Variants in DLGAP2 observed in about 807,000 individuals in gnomAD.
DLGAP2 encodes the protein DLG associated protein 2.
A neutral mutation model predicts 100.3 loss-of-function variants in DLGAP2; 26 were observed. That is an observed-to-expected ratio of 0.26 (90% CI 0.19 to 0.36). DLGAP2 has a LOEUF of 0.36. Ranked by LOEUF, DLGAP2 falls within the 10% of genes least tolerant of loss-of-function variation. The probability of loss-of-function intolerance (pLI) is 1.00; values close to 1 mark genes in which losing one functional copy is unlikely to be tolerated. For missense variants in DLGAP2, 1,858 were observed against 1,453.2 expected, an observed-to-expected ratio of 1.28 and a Z score of -4.53; for synonymous variants, 886 against 630.1, an observed-to-expected ratio of 1.41 and a Z score of -6.08.
rs1218920285 is a variant in DLGAP2, at chr8:1,701,550, C to T, written c.*144C>T. ...TCCCCGCGCCCCGGACACAGCGGGA[C>T]GCGGCCGGCGGCCTCAGAGTCCACG... is the stretch of plus-strand genomic sequence containing the variant. On this transcript the variant is annotated 3_prime_UTR_variant, in exon 15 of 15. Transcript: ENST00000637795. The T allele has an allele frequency of 1.0e-5, 9 of 886,810 alleles. No homozygotes were observed. Among genetic ancestry groups the T allele is most frequent in the South Asian group, 1.8e-5 (1 of 56,030 alleles). The allele number at this position is 886,810 out of a possible 1,614,324, so 54.9% of individuals were successfully genotyped here.
chr8:1,483,440 A>G (rs572993702), intron 3 of DLGAP2, among the ~76,000 whole-genome samples: 31 of 148,976 alleles, frequency 2.1e-4, no homozygotes, highest in African/African-American at 6.9e-4. Flanking sequence ...ACTGCTGTGT[A>G]AGAGGCTCAG....
chr8:1,565,978 T>C, intron 6 of DLGAP2, 84 bp downstream of exon 6: 2 of 1,202,120 alleles, frequency 1.7e-6, no homozygotes, highest in Non-Finnish European at 2.3e-6. Flanking sequence ...CACCGTGAGC[T>C]GAGTGCCATC....
chr8:1,215,209 C>G (rs182826711), intron 2 of DLGAP2, among the ~76,000 whole-genome samples: 1 of 152,274 alleles, frequency 6.6e-6, no homozygotes, highest in East Asian at 1.9e-4. Flanking sequence ...TCCCAAATAT[C>G]AAATTGGGAA....
chr8:1,571,962 G>C (rs185479664), intron 6 of DLGAP2, among the ~76,000 whole-genome samples: 2 of 135,508 alleles, frequency 1.5e-5, no homozygotes, highest in East Asian at 5.0e-4. Flanking sequence ...AGGGTGAACT[G>C]TGGGGGCGTC....
intron 3 of DLGAP2, among the ~76,000 whole-genome samples, chr8:1,435,834 G>A (rs1448585284): frequency 1.3e-5 from 2 of 151,840 alleles, no homozygotes; most frequent in African/African-American, 4.8e-5. Context: ...GCAGGTAGAG[G>A]CTGATGTGTT....
intron 3 of DLGAP2, among the ~76,000 whole-genome samples, chr8:1,489,096 G>A (rs1799303359): frequency 6.6e-6 from 1 of 152,178 alleles, no homozygotes; most frequent in Non-Finnish European, 1.5e-5. Flanking sequence ...TCTTCCTCCA[G>A]AGTTGCTTTT....
At chr8:840,803 C>A (rs1796970186) in intron 1 of DLGAP2, among the ~76,000 whole-genome samples, 1 of 152,264 alleles carries the variant, frequency 6.6e-6, no homozygotes, top group Admixed American at 6.5e-5. Context: ...TGCACGTCTC[C>A]CCACACTCTC....
At chr8:1,124,276 A>T (rs2129048094) in intron 2 of DLGAP2, among the ~76,000 whole-genome samples, 1 of 152,344 alleles carries the variant, frequency 6.6e-6, no homozygotes, top group South Asian at 2.1e-4. Context: ...GCCAAAGAGA[A>T]GAGCCTGGAA....
intron 12 of DLGAP2, among the ~76,000 whole-genome samples, chr8:1,691,235 T>C (rs935861099): frequency 8.5e-5 from 13 of 152,268 alleles, no homozygotes; most frequent in East Asian, 5.8e-4. Flanking sequence ...AGCACTGAAA[T>C]AATCTCGATG....
chr8:1,211,996 G>C (rs1044777488), intron 2 of DLGAP2, among the ~76,000 whole-genome samples: 1 of 152,238 alleles, frequency 6.6e-6, no homozygotes, highest in African/African-American at 2.4e-5. Context: ...GAAACACAAG[G>C]CTCTTGGTTC....
chr8:1,231,954 C>A (rs185248673), intron 2 of DLGAP2, among the ~76,000 whole-genome samples: 342 of 151,976 alleles, frequency 2.3e-3, no homozygotes, highest in Middle Eastern at 0.01. Flanking sequence ...AATGTAAAAT[C>A]AAAGTTGAAA....
intron 2 of DLGAP2, among the ~76,000 whole-genome samples, chr8:1,067,422 T>C (rs915172974): frequency 6.6e-6 from 1 of 152,160 alleles, no homozygotes; most frequent in African/African-American, 2.4e-5. Context: ...TGCAGGCTCC[T>C]GAGTGTACTT....
chr8:1,003,325 T>G (rs1039519903), intron 2 of DLGAP2: 2 of 152,278 alleles, frequency 1.3e-5, no homozygotes, highest in African/African-American at 4.8e-5. Context: ...GTGCTCCTAG[T>G]TTTCATGGGT....
At chr8:1,555,265 AC>A (rs1801923026) in intron 5 of DLGAP2, among the ~76,000 whole-genome samples, 1 of 152,070 alleles carries the variant, frequency 6.6e-6, no homozygotes, top group Admixed American at 6.6e-5. Flanking sequence ...CTGCACTGAC[AC>A]CCAGCCACCA....
At chr8:1,519,809 G>T (rs956176188) in intron 4 of DLGAP2, among the ~76,000 whole-genome samples, 1 of 152,276 alleles carries the variant, frequency 6.6e-6, no homozygotes, top group Admixed American at 6.5e-5. Context: ...AGTGGGTTTT[G>T]TGCTCAGCAG....
At chr8:880,146 T>G (rs1164471624) in intron 1 of DLGAP2, among the ~76,000 whole-genome samples, 1 of 152,128 alleles carries the variant, frequency 6.6e-6, no homozygotes, top group African/African-American at 2.4e-5. Context: ...GGTGTTTGTG[T>G]TCACCTGTGT....
chr8:1,092,444 C>A (rs922097126), intron 2 of DLGAP2, among the ~76,000 whole-genome samples: 1 of 152,170 alleles, frequency 6.6e-6, no homozygotes, highest in African/African-American at 2.4e-5. Context: ...TTCGCACTTT[C>A]CCCTTCCTCT....
At chr8:1,467,220 G>C (rs989116403) in intron 3 of DLGAP2, among the ~76,000 whole-genome samples, 1 of 152,204 alleles carries the variant, frequency 6.6e-6, no homozygotes. Flanking sequence ...TGGCTTCTCT[G>C]TTGGATGTCA....
At chr8:748,993 C>T (rs1015969900) in intron 1 of DLGAP2, among the ~76,000 whole-genome samples, 3 of 152,160 alleles carry the variant, frequency 2.0e-5, no homozygotes, top group Non-Finnish European at 4.4e-5. Flanking sequence ...TACTTTTGTA[C>T]ATTTTCTTTT....
Sources: allele counts gnomAD v4.1 joint callset (sites outside exome capture counted in the v4.1 genomes callset), GRCh38; gene constraint gnomAD v4.1.1; transcripts MANE v1.5; gene names NCBI Gene and HGNC (gene_info 2026-07-23, HGNC 2026-07-21).